Variants in NSD2 observed in about 807,000 individuals in gnomAD.
The protein encoded by NSD2 is histone-lysine N-methyltransferase NSD2.
Under a neutral mutation model 139.0 loss-of-function variants are expected in NSD2, and 12 were observed. The observed-to-expected ratio is 0.09, with a 90% confidence interval of 0.06 to 0.14. The LOEUF (loss-of-function observed/expected upper bound fraction) is 0.14. NSD2 is among the 10% of genes least tolerant of loss of function. The pLI is 1.00. For missense variants in NSD2, 1,155 were observed against 1,745.0 expected (o/e 0.66, Z 6.02); for synonymous variants, 669 against 648.7 (o/e 1.03, Z -0.48).
chr4:1,871,728 A>G (rs1391099470), intron 1 of NSD2, among the ~76,000 whole-genome samples, 186 bp downstream of exon 1: 2 of 146,180 alleles, frequency 1.4e-5, no homozygotes, highest in Admixed American at 6.7e-5. Context: ...GGGGACCGGG[A>G]GGCCGGGCGG....
At chr4:1,920,549 T>A (rs377220771) in intron 5 of NSD2, among the ~76,000 whole-genome samples, 1 of 152,246 alleles carries the variant, frequency 6.6e-6, no homozygotes, top group Non-Finnish European at 1.5e-5. Flanking sequence ...TTGCTTTTTT[T>A]AATTAAGTAA....
intron 3 of NSD2, among the ~76,000 whole-genome samples, chr4:1,915,349 C>T (rs1389109630): frequency 6.6e-6 from 1 of 151,956 alleles, no homozygotes; most frequent in Non-Finnish European, 1.5e-5. Context: ...TTCCTGACCT[C>T]GTGGTCCGCC....
In NSD2 at chr4:1,872,108, G is replaced by T. The variant is rs1297442771; in HGVS notation, c.-30+566G>T. 2.0e-5 allele frequency among the ~76,000 whole-genome samples: 3 copies of T among 152,096 alleles called. No individual in the cohort carries two copies. In the East Asian group the frequency reaches 5.8e-4, roughly 29 times the overall value. On this transcript the variant is annotated intron_variant, in intron 1 of 21. Coordinates refer to ENST00000508803, the MANE Select transcript of NSD2 (RefSeq NM_001042424.3). Reference sequence around the variant, plus strand: ...GCTTTTTGTTTGCAGGCGGTGTCTGGCGTTGACACTCGCGGCGCCCGGGCG... The same window carrying T: ...GCTTTTTGTTTGCAGGCGGTGTCTGTCGTTGACACTCGCGGCGCCCGGGCG...
chr4:1,882,902 T>C (rs774901153), intron 1 of NSD2, among the ~76,000 whole-genome samples: 1 of 152,220 alleles, frequency 6.6e-6, no homozygotes, highest in Non-Finnish European at 1.5e-5. Flanking sequence ...CATGTGATTC[T>C]GATGCCCTTG....
At chr4:1,950,415 C>T (rs922623627) in intron 9 of NSD2, among the ~76,000 whole-genome samples, 1 of 152,220 alleles carries the variant, frequency 6.6e-6, no homozygotes, top group African/African-American at 2.4e-5. Context: ...CCTTTGCCCA[C>T]CTCACTTCTC....
chr4:1,872,587 T>TGTGTGAGA (rs1359114212), intron 1 of NSD2, among the ~76,000 whole-genome samples: 2 of 50,086 alleles, frequency 4.0e-5, no homozygotes, highest in African/African-American at 1.2e-4. Flanking sequence ...TGTGTGTGTG[T>TGTGTGAGA]GTGTGAGAGA....
At chr4:1,961,863 T>C (rs527654603) in intron 18 of NSD2, among the ~76,000 whole-genome samples, 1 of 152,338 alleles carries the variant, frequency 6.6e-6, no homozygotes, top group East Asian at 1.9e-4. Flanking sequence ...AAGTGTGGCC[T>C]CCTTAGTGCC....
At chr4:1,924,393 T>C (rs560883776) in intron 5 of NSD2, among the ~76,000 whole-genome samples, 12 of 152,076 alleles carry the variant, frequency 7.9e-5, no homozygotes, top group Non-Finnish European at 1.5e-4. Context: ...CACTCTGGTA[T>C]GTTGCTCGGC....
chr4:1,941,354 G>C, intron 9 of NSD2: 3 of 1,051,688 alleles, frequency 2.9e-6, no homozygotes, highest in Non-Finnish European at 3.4e-6. Context: ...AGAGAACATG[G>C]AGCCTGCTGA....
chr4:1,939,750 C>T lies in NSD2; in HGVS notation c.1853C>T (p.Ser618Phe), dbSNP rs774325375. The change falls in exon 9 of 22, where the codon TCT becomes TTT. Residue 618 changes from serine (S) to phenylalanine (F), a missense_variant. Physicochemically the swap from Ser to Phe is radical, Grantham distance 155. Around this residue, in one of 8 missense-constraint regions of NSD2, gnomAD observed 420 missense variants for 469.0 expected, o/e 0.90. Coordinates refer to ENST00000508803, the MANE Select transcript of NSD2 (RefSeq NM_001042424.3). ...SSALGFSKSS[S>F]PSASLTENEV... ...GCTCTTGGGTTTAGCAAAAGTTCAT[C>T]TCCTTCTGCATCCTTAACTGAGAAT... is the stretch of plus-strand genomic sequence containing the variant. 5 of 1,614,096 alleles carry T rather than the reference C, an allele frequency of 3.1e-6. No homozygotes were observed. The highest frequency in any genetic ancestry group is 4.2e-6 in the Non-Finnish European group (5 of 1,180,040).
intron 8 of NSD2, 137 bp from the exon 9 acceptor site, chr4:1,939,517 A>G (rs1577497357): frequency 3.3e-6 from 3 of 906,330 alleles, no homozygotes; most frequent in East Asian, 5.3e-5. Context: ...TTTCCATGAT[A>G]GAAAGTTAAG....
chr4:1,972,426 A>G lies in NSD2; in HGVS notation c.3373-2437A>G, dbSNP rs1726593325. 6.6e-6 allele frequency among the ~76,000 whole-genome samples: 1 copy of G among 152,274 alleles called. No individual in the cohort carries two copies. Among genetic ancestry groups the G allele is most frequent in the Non-Finnish European group, 1.5e-5 (1 of 68,050 alleles). ...CAGGCAATTTCAAAGTCCATGTAGA[A>G]GGAAAGATCTGCAGGTCTAGCCAGT... On this transcript the variant is annotated intron_variant, in intron 18 of 21. Transcript: ENST00000508803. This position sits in a 1 kb window ranked among gnomAD's most constrained non-coding sequence, Gnocchi z 4.0.
chr4:1,923,418 G>A (rs536143), intron 5 of NSD2, among the ~76,000 whole-genome samples: 1 of 152,140 alleles, frequency 6.6e-6, no homozygotes, highest in South Asian at 2.1e-4. Flanking sequence ...AAGGAGAAGG[G>A]CAAGTTTCTT....
chr4:1,978,134 AAAG>A (rs1267893772), intron 21 of NSD2, among the ~76,000 whole-genome samples: 3 of 152,186 alleles, frequency 2.0e-5, no homozygotes, highest in Admixed American at 6.5e-5. Context: ...CTCAAAAAAA[AAAG>A]AATTCAGATA....
intron 21 of NSD2, among the ~76,000 whole-genome samples, chr4:1,978,423 T>G (rs1727355120): frequency 6.6e-6 from 1 of 152,136 alleles, no homozygotes; most frequent in Admixed American, 6.5e-5. Flanking sequence ...TAACAGGTGG[T>G]CCTTAGGGGC....
At chr4:1,940,953 T>C in intron 9 of NSD2, 2 of 1,057,476 alleles carry the variant, frequency 1.9e-6, no homozygotes, top group Non-Finnish European at 2.3e-6. Flanking sequence ...ACCAACTCAG[T>C]GGTGGTCGAG....
chr4:1,904,369 A>G lies in NSD2; in HGVS notation c.751A>G (p.Lys251Glu). 6.2e-7 allele frequency: 1 copy of G among 1,611,194 alleles called. No individual in the cohort carries two copies. The highest frequency in any genetic ancestry group is 8.5e-7 in the Non-Finnish European group (1 of 1,178,716). Residue 251 changes from lysine to glutamate, a missense_variant, in exon 3 of 22, where the codon AAA becomes GAA. Physicochemically the swap from Lys to Glu is moderately conservative, Grantham distance 56. Around this residue, in one of 8 missense-constraint regions of NSD2, gnomAD observed 34 missense variants for 75.2 expected, o/e 0.45. Coordinates refer to ENST00000508803, the MANE Select transcript of NSD2 (RefSeq NM_001042424.3). ...SADPLLHSYTKLKGQKKSARQ... is the reference protein window; with the variant it reads ...SADPLLHSYTELKGQKKSARQ... ...AGATCCACTCCTTCACAGCTATACC[A>G]AACTTAAAGGTATTGTGTTCTTTGG...
intron 1 of NSD2, among the ~76,000 whole-genome samples, chr4:1,873,267 T>C (rs1198675869): frequency 1.3e-5 from 2 of 152,244 alleles, no homozygotes; most frequent in Admixed American, 6.5e-5. Flanking sequence ...ACTGCATTAA[T>C]ACCAGAGTCT....
At chr4:1,921,632 T>A (rs1720139522) in intron 5 of NSD2, among the ~76,000 whole-genome samples, 1 of 144,882 alleles carries the variant, frequency 6.9e-6, no homozygotes, top group Admixed American at 6.9e-5. Flanking sequence ...AAATACAAAA[T>A]TTTACCAGCT....
Sources: gnomAD v4.1 joint callset for allele counts (sites outside exome capture counted in the v4.1 genomes callset) on GRCh38, gnomAD v4.1.1 for gene constraint, gnomAD v4.1.1 regional missense constraint, Gnocchi (gnomAD v3.1) non-coding constraint, MANE v1.5 for transcripts, NCBI Gene and HGNC (gene_info 2026-07-23, HGNC 2026-07-21) for gene names.